SRSF1: variants seen among roughly 807,000 people sequenced by gnomAD.
The protein encoded by SRSF1 is serine/arginine-rich splicing factor 1.
A neutral mutation model predicts 25.9 loss-of-function variants in SRSF1; 1 was observed. The observed-to-expected ratio is 0.04, with a 90% CI of 0.01 to 0.18. The LOEUF is 0.18. Ranked by LOEUF, SRSF1 falls within the 10% of genes least tolerant of loss-of-function variation. The pLI is 1.00. For synonymous variants in SRSF1, 132 were observed against 126.2 expected (o/e 1.05, Z -0.31); for missense variants, 65 against 350.5 (o/e 0.19, Z 6.50).
In SRSF1 at chr17:58,002,876, G is replaced by T. The variant is rs1598059579; in HGVS notation, c.*2530C>A. 6.6e-6 allele frequency among the ~76,000 whole-genome samples: 1 copy of T among 152,232 alleles called. No homozygotes were observed. Among genetic ancestry groups the T allele is most frequent in the African/African-American group, 2.4e-5 (1 of 41,530 alleles). On this transcript the variant is annotated 3_prime_UTR_variant, in exon 4 of 4. Coordinates refer to ENST00000258962, the MANE Select transcript of SRSF1 (RefSeq NM_006924.5). ...AAAAATACAAAATTAGCCGGGCAAGGGTGGCACACACTTGTAGTCTCAGCT... is the reference window on the plus strand; with the variant it reads ...AAAAATACAAAATTAGCCGGGCAAGTGTGGCACACACTTGTAGTCTCAGCT...
rs938787352 is a variant in SRSF1, at chr17:58,005,745, T to C, written c.552+56A>G. The C allele has an allele frequency of 1.2e-6, 2 of 1,612,832 alleles. No individual in the cohort carries two copies. The highest frequency in any genetic ancestry group is 1.7e-6 in the Non-Finnish European group (2 of 1,179,180). ...CTGAATCCTTACCTTGAAATTCCAC[T>C]GTTAAGACCACTGTATCCAATTCTG... On this transcript the variant is annotated intron_variant, in intron 3 of 3. Transcript: ENST00000258962. The surrounding 1 kb of genome is among the most constrained non-coding windows in gnomAD (Gnocchi z 5.2).
chr17:57,996,483 TAAA>T (rs10677825), downstream of SRSF1, among the ~76,000 whole-genome samples: 71 of 72,378 alleles, frequency 9.8e-4, 3 homozygotes, highest in African/African-American at 3.9e-3. Flanking sequence ...GACACTGTCT[TAAA>T]AAAAAAAAAA....
Position 58,006,494 on chromosome 17 carries a change from G to C in SRSF1, c.228C>G (p.Gly76=), listed in dbSNP as rs967345313. 1.9e-6 allele frequency: 3 copies of C among 1,613,166 alleles called. No individual in the cohort carries two copies. In the African/African-American group the frequency reaches 4.0e-5, roughly 22 times the overall value. Residue 76 remains glycine, a synonymous_variant, in exon 2 of 4, where the codon GGC becomes GGG. Coordinates refer to ENST00000258962, the MANE Select transcript of SRSF1 (RefSeq NM_006924.5). ...DAEDAVYGRD[G]YDYDGYRLRV... ...GCAGACGGTACCCATCGTAATCATA[G>C]CCGTCGCGACCATACACCGCGTCTT...
downstream of SRSF1, among the ~76,000 whole-genome samples, chr17:57,996,158 A>ATC (rs1161557809): frequency 6.6e-6 from 1 of 152,194 alleles, no homozygotes; most frequent in Non-Finnish European, 1.5e-5. Context: ...CATTCTGGAC[A>ATC]TCTTAGAAGA....
intron 1 of SRSF1, 140 bp from the exon 2 acceptor site, chr17:58,006,667 C>A (rs1398884373): frequency 1.6e-5 from 17 of 1,076,226 alleles, no homozygotes; most frequent in Non-Finnish European, 2.6e-6. Flanking sequence ...TGGCCCCTCC[C>A]CCACCCAGAA....
Position 58,001,170 on chromosome 17 carries a change from T to C in SRSF1, c.*4236A>G, listed in dbSNP as rs147622919. 1.1e-4 allele frequency among the ~76,000 whole-genome samples: 17 copies of C among 149,594 alleles called. 1 individual carries two copies. In the East Asian group the frequency reaches 2.9e-3, roughly 25 times the overall value. ...TAAATTACAAAATTCATATACAAAG[T>C]AAGCAAAAAGGCACACATAAGAAAT... On this transcript the variant is annotated 3_prime_UTR_variant, in exon 4 of 4. Coordinates refer to ENST00000258962, the MANE Select transcript of SRSF1 (RefSeq NM_006924.5).
At chr17:58,000,815 G>GT (rs1300746018), downstream of SRSF1, among the ~76,000 whole-genome samples, 1 of 152,124 alleles carries the variant, frequency 6.6e-6, no homozygotes, top group African/African-American at 2.4e-5. Flanking sequence ...TATATACCCT[G>GT]TATTACATAA....
At chr17:58,006,746 G>C in intron 1 of SRSF1, 198 bp downstream of exon 1, 1 of 877,784 alleles carries the variant, frequency 1.1e-6, no homozygotes, top group South Asian at 1.8e-5. Flanking sequence ...CTGCGAATGG[G>C]CTCCGGGGAC....
chr17:57,997,878 G>A (rs141285411), downstream of SRSF1, among the ~76,000 whole-genome samples: 142 of 152,292 alleles, frequency 9.3e-4, no homozygotes, highest in Non-Finnish European at 1.5e-3. Flanking sequence ...TTTGGAATGT[G>A]CTTGTTACAC....
In SRSF1 at chr17:58,006,847, G is replaced by C. The variant is rs1296417504; in HGVS notation, c.194+97C>G. ...TACAGTCTCGCCCCAACCTCTCTAA[G>C]AGCCCCCGCTTCCCCGTTCTCTATG... On this transcript the variant is annotated intron_variant, in intron 1 of 3. Coordinates refer to ENST00000258962, the MANE Select transcript of SRSF1 (RefSeq NM_006924.5). 5 of 1,432,126 alleles carry C rather than the reference G, an allele frequency of 3.5e-6. No individual in the cohort carries two copies. In the East Asian group the frequency reaches 1.1e-4, roughly 33 times the overall value. The allele number at this position is 1,432,126 out of a possible 1,614,324, so 88.7% of individuals were successfully genotyped here.
chr17:57,993,919 CTCCTT>C, the SRSF1 span: 2 of 152,342 alleles, frequency 1.3e-5, no homozygotes, highest in African/African-American at 4.8e-5. Flanking sequence ...CTTCCCACCT[CTCCTT>C]TCACTTTCTC....
At position 58,005,638 on chromosome 17, in the gene SRSF1, G is replaced by A. The variant is rs150523813; in HGVS notation, c.553-38C>T. The A allele has an allele frequency of 9.2e-5, 149 of 1,611,476 alleles. 3 individuals are homozygous for A. In the East Asian group the frequency reaches 2.2e-3, roughly 24 times the overall value. On this transcript the variant is annotated intron_variant, in intron 3 of 3. Transcript: ENST00000258962. The surrounding 1 kb of genome is among the most constrained non-coding windows in gnomAD (Gnocchi z 5.2). Reference sequence around the variant, plus strand: ...CAGAACTTTCCATTGAAAGATCTAAGCTTTCATCTATCTTCAGACATGCTG... The same window carrying A: ...CAGAACTTTCCATTGAAAGATCTAAACTTTCATCTATCTTCAGACATGCTG...
At chr17:58,006,684 C>A in intron 1 of SRSF1, 157 bp from the exon 2 acceptor site, 1 of 982,142 alleles carries the variant, frequency 1.0e-6, no homozygotes, top group Non-Finnish European at 1.5e-6. Context: ...AGAAACACGC[C>A]AGGCTCCCAA....
At position 58,007,148 on chromosome 17, in the gene SRSF1, A is replaced by C. The variant is rs561675206; in HGVS notation, c.-11T>G. 1.2e-6 allele frequency: 2 copies of C among 1,613,670 alleles called. No individual in the cohort carries two copies. Among genetic ancestry groups the C allele is most frequent in the African/African-American group, 2.7e-5 (2 of 75,078 alleles). ...ACCACCTCCCGACATGGCGGTGACGAAAAGCGCGGACTCGAGAACAGGCCT... is the reference window on the plus strand; with the variant it reads ...ACCACCTCCCGACATGGCGGTGACGCAAAGCGCGGACTCGAGAACAGGCCT... On this transcript the variant is annotated 5_prime_UTR_variant, in exon 1 of 4. Coordinates refer to ENST00000258962, the MANE Select transcript of SRSF1 (RefSeq NM_006924.5).
the SRSF1 span, chr17:57,990,767 G>A: frequency 6.6e-6 from 1 of 152,174 alleles, no homozygotes; most frequent in South Asian, 2.1e-4. Flanking sequence ...AAGCATCTAA[G>A]CCAAAAATAC....
Position 58,004,646 on chromosome 17 carries a change from C to T in SRSF1, c.*760G>A. ...GCAGGTCACACATTAACAGTTGTAA[C>T]TAAGCACTGTGACAAATTAGCCAGT... is the stretch of plus-strand genomic sequence containing the variant. On this transcript the variant is annotated 3_prime_UTR_variant, in exon 4 of 4. Transcript: ENST00000258962. 1 of 237,996 alleles carries T rather than the reference C, an allele frequency of 4.2e-6. No homozygotes were observed. The highest frequency in any genetic ancestry group is 8.0e-6 in the Non-Finnish European group (1 of 124,332). 14.7% of individuals were successfully genotyped at this position (237,996 alleles called of 1,614,324 possible).
downstream of SRSF1, among the ~76,000 whole-genome samples, chr17:58,000,208 G>GT: frequency 6.6e-6 from 1 of 152,162 alleles, no homozygotes; most frequent in Middle Eastern, 3.4e-3. Context: ...AACCCTCAGG[G>GT]TTGTTAGGCA....
chr17:58,006,880 C>G, intron 1 of SRSF1, 64 bp downstream of exon 1: 1 of 1,581,370 alleles, frequency 6.3e-7, no homozygotes, highest in Non-Finnish European at 8.6e-7. Context: ...ATGTTAAGGC[C>G]TTGGAGCCTT....
At chr17:58,000,578 G>C (rs1200806808), downstream of SRSF1, among the ~76,000 whole-genome samples, 1 of 152,134 alleles carries the variant, frequency 6.6e-6, no homozygotes, top group African/African-American at 2.4e-5. Flanking sequence ...AAAGAAATGT[G>C]GGCCATACCT....
Sources: gnomAD v4.1 joint callset for allele counts (sites outside exome capture counted in the v4.1 genomes callset) on GRCh38, gnomAD v4.1.1 for gene constraint, Gnocchi (gnomAD v3.1) non-coding constraint, MANE v1.5 for transcripts, NCBI Gene and HGNC (gene_info 2026-07-23, HGNC 2026-07-21) for gene names.